Variants in BCAT1 observed in about 807,000 individuals in gnomAD.
The protein encoded by BCAT1 is branched-chain-amino-acid aminotransferase, cytosolic.
A neutral mutation model predicts 52.4 loss-of-function variants in BCAT1; 48 were observed. That is an observed-to-expected ratio of 0.92 (90% confidence interval 0.73 to 1.16). BCAT1 has a LOEUF of 1.16. Ranked by LOEUF, BCAT1 falls within the 50% of genes most tolerant of loss-of-function variation. BCAT1 has a pLI of 0.00. For missense variants in BCAT1, 451 were observed against 457.1 expected (o/e 0.99, Z 0.12); for synonymous variants, 167 against 161.3 (o/e 1.04, Z -0.27).
chr12:24,867,070 C>T (rs746149477), intron 5 of BCAT1, among the ~76,000 whole-genome samples: 4 of 151,972 alleles, frequency 2.6e-5, no homozygotes, highest in Admixed American at 1.3e-4. Flanking sequence ...CCGCAAGGAA[C>T]GAACAACTCC....
chr12:24,902,940 G>A, intron 1 of BCAT1: 2 of 1,509,500 alleles, frequency 1.3e-6, no homozygotes, highest in Non-Finnish European at 1.8e-6. Flanking sequence ...GCCCGGGTTC[G>A]AGGTACCTGG....
At chr12:24,867,154 G>A (rs1486129108) in intron 5 of BCAT1, among the ~76,000 whole-genome samples, 3 of 151,898 alleles carry the variant, frequency 2.0e-5, no homozygotes, top group Non-Finnish European at 2.9e-5. Flanking sequence ...ACGAGACCAC[G>A]AACCTACCAG....
At chr12:24,922,819 G>A (rs1365230166) in intron 1 of BCAT1, among the ~76,000 whole-genome samples, 3 of 150,544 alleles carry the variant, frequency 2.0e-5, no homozygotes. Flanking sequence ...GCAGTGAGCC[G>A]ACATGGGGCC....
chr12:24,859,392 G>A (rs189968791), intron 5 of BCAT1, among the ~76,000 whole-genome samples: 10 of 152,024 alleles, frequency 6.6e-5, no homozygotes, highest in South Asian at 2.1e-4. Context: ...AGGCTGAGGC[G>A]GGTGGATCAC....
intron 10 of BCAT1, among the ~76,000 whole-genome samples, chr12:24,825,130 T>TGC (rs1940332691): frequency 1.7e-5 from 1 of 60,388 alleles, no homozygotes; most frequent in African/African-American, 7.5e-5. Context: ...TGTGTGTGTG[T>TGC]GTGTGTATAT....
At chr12:24,932,579 C>T (rs1591886715) in intron 1 of BCAT1, among the ~76,000 whole-genome samples, 3 of 152,194 alleles carry the variant, frequency 2.0e-5, no homozygotes, top group Admixed American at 6.5e-5. Context: ...TTAGTTAATA[C>T]TTACAGTACT....
chr12:24,844,598 T>A (rs189240156), intron 6 of BCAT1, among the ~76,000 whole-genome samples: 1 of 151,322 alleles, frequency 6.6e-6, no homozygotes, highest in Non-Finnish European at 1.5e-5. Flanking sequence ...ACCAAGGTAA[T>A]GTTAAGAGTC....
At position 24,811,395 on chromosome 12, in the gene BCAT1, T is replaced by A. The variant is rs533239113; in HGVS notation, c.*6613A>T. The A allele has an allele frequency of 1.3e-5, 2 of 152,206 alleles. No individual in the cohort carries two copies. Among genetic ancestry groups the A allele is most frequent in the Non-Finnish European group, 2.9e-5 (2 of 68,030 alleles). 9.4% of individuals were successfully genotyped at this position (152,206 alleles called of 1,614,324 possible). A position where few individuals can be genotyped will look rare whatever the true frequency, so the allele number is the denominator to read the frequency against. Reference sequence around the variant, plus strand: ...CTTTTGTTTTATTGATAACAGAAACTGTGCATAATTACAGATTTGATGAGG... The same window carrying A: ...CTTTTGTTTTATTGATAACAGAAACAGTGCATAATTACAGATTTGATGAGG... On this transcript the variant is annotated 3_prime_UTR_variant, in exon 11 of 11. Coordinates refer to ENST00000261192, the MANE Select transcript of BCAT1 (RefSeq NM_005504.7).
At chr12:24,843,043 G>T (rs1350632044) in intron 6 of BCAT1, among the ~76,000 whole-genome samples, 1 of 152,160 alleles carries the variant, frequency 6.6e-6, no homozygotes, top group Admixed American at 6.5e-5. Context: ...ACCCCTGGTT[G>T]TATAACTCAG....
At chr12:24,917,277 C>G (rs1394270785) in intron 1 of BCAT1, among the ~76,000 whole-genome samples, 4 of 145,962 alleles carry the variant, frequency 2.7e-5, no homozygotes, top group Non-Finnish European at 5.9e-5. Flanking sequence ...CTTGCCGCTT[C>G]GCGCCATTCT....
chr12:24,942,363 A>C (rs1004861295), intron 1 of BCAT1, among the ~76,000 whole-genome samples: 1 of 152,070 alleles, frequency 6.6e-6, no homozygotes, highest in Non-Finnish European at 1.5e-5. Context: ...CAACATGGAG[A>C]AACCCCGTCT....
chr12:24,924,332 G>A (rs765281933), intron 1 of BCAT1, among the ~76,000 whole-genome samples: 3 of 152,220 alleles, frequency 2.0e-5, no homozygotes, highest in Non-Finnish European at 4.4e-5. Flanking sequence ...GTCATCAGAA[G>A]AAAGGTTGTC....
Position 24,813,888 on chromosome 12 carries a change from C to A in BCAT1, c.*4120G>T, listed in dbSNP as rs1939780015. 1 of 152,058 alleles carries A rather than the reference C, an allele frequency of 6.6e-6. No homozygotes were observed. Among genetic ancestry groups the A allele is most frequent in the Non-Finnish European group, 1.5e-5 (1 of 67,936 alleles). 9.4% of individuals were successfully genotyped at this position (152,058 alleles called of 1,614,324 possible). The stretch of plus-strand genomic sequence containing the variant: ...CAGTTCAAGTAGTAGAATACAAACT[C>A]CATGAGGGTAATGTCTATATGCCAT... On this transcript the variant is annotated 3_prime_UTR_variant, in exon 11 of 11. Transcript: ENST00000261192.
At chr12:24,922,109 T>C (rs1943507125) in intron 1 of BCAT1, among the ~76,000 whole-genome samples, 1 of 152,218 alleles carries the variant, frequency 6.6e-6, no homozygotes, top group Non-Finnish European at 1.5e-5. Flanking sequence ...TGAGTGACTG[T>C]GTCAGTATTA....
chr12:24,843,398 T>A (rs865849603), intron 6 of BCAT1, among the ~76,000 whole-genome samples: 1 of 151,996 alleles, frequency 6.6e-6, no homozygotes, highest in Non-Finnish European at 1.5e-5. Flanking sequence ...AGGTCAGGAG[T>A]TCGAGACCAG....
At chr12:24,904,368 A>C (rs1428234207) in intron 1 of BCAT1, 2 of 152,270 alleles carry the variant, frequency 1.3e-5, no homozygotes, top group African/African-American at 4.8e-5. Flanking sequence ...ACGCCGGGCT[A>C]ATTTTTGTAT....
chr12:24,912,949 G>A (rs955615663), intron 1 of BCAT1, among the ~76,000 whole-genome samples: 6 of 152,162 alleles, frequency 3.9e-5, no homozygotes, highest in Admixed American at 6.5e-5. Context: ...TATGTGACAC[G>A]AGAGCCTACA....
At chr12:24,877,937 AGAGGCCAGGAGTTT>A (rs1260603353) in intron 5 of BCAT1, among the ~76,000 whole-genome samples, 1 of 152,104 alleles carries the variant, frequency 6.6e-6, no homozygotes, top group Non-Finnish European at 1.5e-5. Flanking sequence ...GAGGATTGCT[AGAGGCCAGGAGTTT>A]GAGACCAGCC....
intron 4 of BCAT1, among the ~76,000 whole-genome samples, chr12:24,879,640 C>T (rs1489922002): frequency 6.6e-6 from 1 of 152,196 alleles, no homozygotes. Flanking sequence ...GCACCTGCCT[C>T]AGCCCCTGGT....
Sources: allele counts gnomAD v4.1 joint callset (sites outside exome capture counted in the v4.1 genomes callset), GRCh38; gene constraint gnomAD v4.1.1; transcripts MANE v1.5; gene names NCBI Gene and HGNC (gene_info 2026-07-23, HGNC 2026-07-21).